The following RAVER2 variants were observed in gnomAD, a reference collection of about 807,000 sequenced individuals.
RAVER2 encodes the protein ribonucleoprotein PTB-binding 2.
RAVER2 carries 46 observed loss-of-function variants against 78.1 expected under a neutral mutation model. The ratio of observed to expected loss-of-function variants is 0.59; its 90% CI spans 0.46 to 0.75. The LOEUF (loss-of-function observed/expected upper bound fraction) is 0.75. Ranked by LOEUF, RAVER2 falls within the 30% of genes least tolerant of loss-of-function variation. The pLI, the probability that RAVER2 is intolerant of heterozygous loss-of-function variation, is 0.00. For missense variants in RAVER2, 793 were observed against 837.5 expected, an observed-to-expected ratio of 0.95 and a Z score of 0.66; for synonymous variants, 311 against 313.3, an observed-to-expected ratio of 0.99 and a Z score of 0.08.
intron 11 of RAVER2, among the ~76,000 whole-genome samples, chr1:64,829,832 C>T (rs1247223576): frequency 6.6e-6 from 1 of 152,122 alleles, no homozygotes; most frequent in South Asian, 2.1e-4. Context: ...ATTGGTCTGT[C>T]CCCACAGTAA....
In RAVER2 at chr1:64,761,190, G is replaced by A. The variant is rs34365651; in HGVS notation, c.250-7466G>A. Among the ~76,000 whole-genome samples, 1,161 of 152,302 alleles carry A rather than the reference G, an allele frequency of 7.6e-3. 8 individuals carry two copies. Among genetic ancestry groups the A allele is most frequent in the Non-Finnish European group, 0.012 (825 of 68,016 alleles). On this transcript the variant is annotated intron_variant, in intron 1 of 11. Transcript: ENST00000294428. ...AATTTATTTTAGGCCAAGTCAAAAT[G>A]TGCTCCTGGCAAAAAGTTGGTATTG...
At chr1:64,826,157 G>GA (rs2100903793) in intron 11 of RAVER2, among the ~76,000 whole-genome samples, 1 of 152,342 alleles carries the variant, frequency 6.6e-6, no homozygotes, top group South Asian at 2.1e-4. Context: ...AGTATATACT[G>GA]AATGTCTACT....
chr1:64,814,497 A>G (rs1265738582), intron 10 of RAVER2, among the ~76,000 whole-genome samples: 1 of 152,144 alleles, frequency 6.6e-6, no homozygotes, highest in African/African-American at 2.4e-5. Context: ...ACAGTATTAT[A>G]TACTTCTCAG....
At chr1:64,754,397 ATTGT>A (rs1357389051) in intron 1 of RAVER2, among the ~76,000 whole-genome samples, 1 of 152,186 alleles carries the variant, frequency 6.6e-6, no homozygotes, top group East Asian at 1.9e-4. Flanking sequence ...AAACTGACAC[ATTGT>A]TTGAAGAGAA....
chr1:64,761,797 GA>G (rs1470290051), intron 1 of RAVER2, among the ~76,000 whole-genome samples: 1 of 152,094 alleles, frequency 6.6e-6, no homozygotes. Flanking sequence ...AAATAAAAAA[GA>G]ATCTATAAAT....
chr1:64,808,622 T>G (rs1653513721), intron 9 of RAVER2, among the ~76,000 whole-genome samples: 3 of 151,878 alleles, frequency 2.0e-5, no homozygotes, highest in Non-Finnish European at 4.4e-5. Context: ...CCGCCATACC[T>G]GGCTGATTTT....
intron 9 of RAVER2, among the ~76,000 whole-genome samples, chr1:64,808,059 T>G (rs1557602209): frequency 6.6e-6 from 1 of 152,176 alleles, no homozygotes; most frequent in Non-Finnish European, 1.5e-5. Flanking sequence ...ATTTTAATAT[T>G]TAAAGGCAGA....
rs112297796 is a variant in RAVER2 at position 64,778,602 on chromosome 1, C to T, written c.786+510C>T. ...GTGTAGTTCTATCTTAATGTGGTCA[C>T]GGTAGGTGAGACATCTAGAGAAGAT... On this transcript the variant is annotated intron_variant, in intron 3 of 11. Transcript: ENST00000294428. Among the ~76,000 whole-genome samples, 5 of 152,006 alleles carry T rather than the reference C, an allele frequency of 3.3e-5. 1 individual carries two copies. Among genetic ancestry groups the T allele is most frequent in the South Asian group, 2.1e-4 (1 of 4,828 alleles).
intron 2 of RAVER2, among the ~76,000 whole-genome samples, chr1:64,775,949 C>T (rs1652448449): frequency 6.9e-6 from 1 of 145,696 alleles, no homozygotes; most frequent in South Asian, 2.1e-4. Context: ...ACCTGGGAGG[C>T]AGAGGTTGTG....
At chr1:64,753,443 G>T (rs1482352543) in intron 1 of RAVER2, among the ~76,000 whole-genome samples, 1 of 151,404 alleles carries the variant, frequency 6.6e-6, no homozygotes, top group Non-Finnish European at 1.5e-5. Flanking sequence ...TGTTATAAAG[G>T]TCTTATTTAT....
chr1:64,801,948 AT>A (rs765946833), intron 5 of RAVER2, among the ~76,000 whole-genome samples: 18 of 152,220 alleles, frequency 1.2e-4, no homozygotes, highest in Non-Finnish European at 1.5e-4. Context: ...TTTTATGGTT[AT>A]TTCTTTATTA....
intron 8 of RAVER2, among the ~76,000 whole-genome samples, chr1:64,805,552 T>G (rs982959305): frequency 2.0e-5 from 3 of 152,228 alleles, no homozygotes; most frequent in African/African-American, 7.2e-5. Flanking sequence ...TAGTCAAAAC[T>G]AATGTGTGTA....
intron 1 of RAVER2, among the ~76,000 whole-genome samples, chr1:64,756,586 A>T (rs1164403807): frequency 1.3e-5 from 2 of 152,276 alleles, no homozygotes; most frequent in Non-Finnish European, 1.5e-5. Context: ...TAGAGTTCCC[A>T]TGTATCCCTT....
intron 5 of RAVER2, among the ~76,000 whole-genome samples, chr1:64,796,270 G>T: frequency 6.6e-6 from 1 of 151,802 alleles, no homozygotes; most frequent in East Asian, 1.9e-4. Flanking sequence ...ATATTTTCTG[G>T]TTTTATTATG....
At chr1:64,824,788 G>A (rs1436247678) in intron 11 of RAVER2, among the ~76,000 whole-genome samples, 3 of 151,758 alleles carry the variant, frequency 2.0e-5, no homozygotes, top group Non-Finnish European at 4.4e-5. Flanking sequence ...AAAATTAGCC[G>A]GGTGTGGTGG....
intron 11 of RAVER2, among the ~76,000 whole-genome samples, chr1:64,825,571 T>C (rs191691102): frequency 6.6e-6 from 1 of 152,396 alleles, no homozygotes; most frequent in Admixed American, 6.5e-5. Flanking sequence ...TGGAATTCAC[T>C]GTTGACATTA....
At chr1:64,792,268 C>T (rs989914182) in intron 5 of RAVER2, among the ~76,000 whole-genome samples, 3 of 152,146 alleles carry the variant, frequency 2.0e-5, no homozygotes, top group African/African-American at 7.2e-5. Flanking sequence ...TAGTCTAGGT[C>T]TTCTGGGTTG....
chr1:64,819,977 C>T (rs1478627259), intron 11 of RAVER2, among the ~76,000 whole-genome samples: 3 of 152,032 alleles, frequency 2.0e-5, no homozygotes, highest in Non-Finnish European at 4.4e-5. Context: ...TATATTTTCT[C>T]TTAGTTTATT....
At chr1:64,755,995 A>G (rs1651848064) in intron 1 of RAVER2, among the ~76,000 whole-genome samples, 1 of 152,064 alleles carries the variant, frequency 6.6e-6, no homozygotes, top group Admixed American at 6.6e-5. Context: ...TCAAAGTCAC[A>G]CTACTGCCTC....
Sources: allele counts gnomAD v4.1 joint callset (sites outside exome capture counted in the v4.1 genomes callset), GRCh38; gene constraint gnomAD v4.1.1; transcripts MANE v1.5; gene names NCBI Gene and HGNC (gene_info 2026-07-23, HGNC 2026-07-21).